FNDC3A: variants seen among roughly 807,000 people sequenced by gnomAD.
FNDC3A encodes fibronectin type-III domain-containing protein 3A.
A neutral mutation model predicts 148.9 loss-of-function variants in FNDC3A; 32 were observed. The ratio of observed to expected loss-of-function variants is 0.21; its 90% CI spans 0.16 to 0.29. The LOEUF is 0.29. Ranked by LOEUF, FNDC3A falls within the 10% of genes least tolerant of loss-of-function variation. The pLI is 1.00. For synonymous variants in FNDC3A, 472 were observed against 473.6 expected, an observed-to-expected ratio of 1.00 and a Z score of 0.04; for missense variants, 1,191 against 1,452.8, an observed-to-expected ratio of 0.82 and a Z score of 2.93.
At chr13:49,057,530 T>A (rs557502687) in intron 2 of FNDC3A, among the ~76,000 whole-genome samples, 2 of 152,328 alleles carry the variant, frequency 1.3e-5, no homozygotes, top group South Asian at 4.1e-4. Context: ...TTTATGCATT[T>A]GTTATCTTAT....
chr13:49,012,653 A>C (rs1952375474), intron 2 of FNDC3A, among the ~76,000 whole-genome samples: 2 of 152,164 alleles, frequency 1.3e-5, no homozygotes, highest in Non-Finnish European at 1.5e-5. Context: ...TCTTTACAAT[A>C]TTGAATTTTT....
chr13:49,162,954 A>C (rs2138029659), intron 8 of FNDC3A, among the ~76,000 whole-genome samples: 1 of 152,270 alleles, frequency 6.6e-6, no homozygotes, highest in Middle Eastern at 3.4e-3. Flanking sequence ...GCAGAACAGC[A>C]AATATTGCAG....
intron 1 of FNDC3A, among the ~76,000 whole-genome samples, chr13:48,994,563 G>T (rs1489907946): frequency 2.0e-5 from 3 of 152,194 alleles, no homozygotes; most frequent in Non-Finnish European, 4.4e-5. Context: ...CAGATCACAA[G>T]GTCAGGAGTT....
At chr13:49,135,444 TGTTTTCTTCTAAGAGTTCTATA>T (rs1882299265) in intron 5 of FNDC3A, among the ~76,000 whole-genome samples, 1 of 152,164 alleles carries the variant, frequency 6.6e-6, no homozygotes, top group African/African-American at 2.4e-5. Flanking sequence ...CATAGAGACG[TGTTTTCTTCTAAGAGTTCTATA>T]GTTTAATCTC....
intron 1 of FNDC3A, among the ~76,000 whole-genome samples, chr13:49,003,584 AAT>A (rs914419838): frequency 6.6e-6 from 1 of 152,216 alleles, no homozygotes; most frequent in African/African-American, 2.4e-5. Flanking sequence ...TGTTTTAAGA[AAT>A]ATATTTTATA....
At chr13:49,162,188 A>G (rs1884176845) in intron 8 of FNDC3A, among the ~76,000 whole-genome samples, 1 of 152,128 alleles carries the variant, frequency 6.6e-6, no homozygotes. Flanking sequence ...CCTGGATAAT[A>G]TCCTGAAGAG....
chr13:48,989,209 G>A (rs1244740132), intron 1 of FNDC3A, among the ~76,000 whole-genome samples: 1 of 152,160 alleles, frequency 6.6e-6, no homozygotes, highest in Non-Finnish European at 1.5e-5. Flanking sequence ...AACTTTGTCC[G>A]AGTCCCTTAG....
At chr13:49,015,752 C>G (rs1191851449) in intron 2 of FNDC3A, among the ~76,000 whole-genome samples, 3 of 151,880 alleles carry the variant, frequency 2.0e-5, no homozygotes, top group East Asian at 3.9e-4. Context: ...TCATAGATAG[C>G]TCTTATTATT....
At chr13:49,023,716 G>A (rs1481470812) in intron 2 of FNDC3A, among the ~76,000 whole-genome samples, 1 of 151,898 alleles carries the variant, frequency 6.6e-6, no homozygotes, top group African/African-American at 2.4e-5. Context: ...CTAAAGCAAG[G>A]AGGAAATAAA....
chr13:49,156,029 A>C (rs1328870683), intron 8 of FNDC3A, among the ~76,000 whole-genome samples: 1 of 121,302 alleles, frequency 8.2e-6, no homozygotes, highest in African/African-American at 2.9e-5. Flanking sequence ...GTAGATGTCA[A>C]TTAGGTCCGC....
chr13:49,107,437 A>G (rs1010628992), intron 3 of FNDC3A, among the ~76,000 whole-genome samples: 5 of 152,206 alleles, frequency 3.3e-5, no homozygotes, highest in African/African-American at 4.8e-5. Flanking sequence ...CACAGATGCA[A>G]TGGTTCAAAG....
At chr13:49,130,346 T>A (rs1183637255) in intron 4 of FNDC3A, among the ~76,000 whole-genome samples, 1 of 152,120 alleles carries the variant, frequency 6.6e-6, no homozygotes, top group African/African-American at 2.4e-5. Flanking sequence ...GCTGTTAAAA[T>A]TGTCCTGGTC....
chr13:49,030,497 G>A (rs868008812), intron 2 of FNDC3A, among the ~76,000 whole-genome samples: 3 of 152,162 alleles, frequency 2.0e-5, no homozygotes, highest in Non-Finnish European at 4.4e-5. Flanking sequence ...TCTATTCAAC[G>A]TTGTACTGGA....
chr13:49,061,802 T>TCTCTC (rs569457919), intron 2 of FNDC3A, among the ~76,000 whole-genome samples: 45 of 38,332 alleles, frequency 1.2e-3, no homozygotes, highest in African/African-American at 4.1e-3. Flanking sequence ...CCTCTCCTCT[T>TCTCTC]CTCTCCTCTC....
chr13:49,132,732 T>A (rs1458790834), intron 5 of FNDC3A, among the ~76,000 whole-genome samples: 1 of 152,212 alleles, frequency 6.6e-6, no homozygotes, highest in African/African-American at 2.4e-5. Context: ...CTTTCTTGCC[T>A]CGGTCCCTGT....
At position 49,042,601 on chromosome 13, in the gene FNDC3A, C is replaced by A. The variant is rs780237717; in HGVS notation, c.100-32688C>A. Among the ~76,000 whole-genome samples, 6 of 151,828 alleles carry A rather than the reference C, an allele frequency of 4.0e-5. No individual in the cohort carries two copies. The South Asian group carries it at 6.2e-4, about 16-fold the overall frequency. On this transcript the variant is annotated intron_variant, in intron 2 of 25. Coordinates refer to ENST00000492622, the MANE Select transcript of FNDC3A (RefSeq NM_001079673.2). The stretch of plus-strand genomic sequence containing the variant: ...GACCAGCCTAGGCAAGATAGTGAGA[C>A]CCTGTCAAAAAATAGAAAAAAATAA...
rs574999543 is a variant in FNDC3A, at chr13:49,000,271, T to G, written c.-39-5881T>G. 3.9e-5 allele frequency among the ~76,000 whole-genome samples: 6 copies of G among 152,378 alleles called. No homozygotes were observed. In the South Asian group the frequency reaches 1.2e-3, roughly 32 times the overall value. ...GTTAATTTTTGTATATAGTGTAAGA[T>G]AATCCAAATTCATTATTTTGCATGT... On this transcript the variant is annotated intron_variant, in intron 1 of 25. Transcript: ENST00000492622.
At chr13:49,128,633 G>C (rs1380932546) in intron 4 of FNDC3A, among the ~76,000 whole-genome samples, 2 of 152,148 alleles carry the variant, frequency 1.3e-5, no homozygotes, top group African/African-American at 4.8e-5. Context: ...TCCACTGACA[G>C]TAAATGATGA....
chr13:49,099,741 A>G (rs944229700), intron 3 of FNDC3A, among the ~76,000 whole-genome samples: 1 of 152,128 alleles, frequency 6.6e-6, no homozygotes, highest in Non-Finnish European at 1.5e-5. Context: ...AAAAATATGT[A>G]ACATTTTTAT....
Sources: gnomAD v4.1 joint callset for allele counts (sites outside exome capture counted in the v4.1 genomes callset) on GRCh38, gnomAD v4.1.1 for gene constraint, MANE v1.5 for transcripts, NCBI Gene and HGNC (gene_info 2026-07-23, HGNC 2026-07-21) for gene names.